CCNB3: variants seen among roughly 807,000 people sequenced by gnomAD.
CCNB3 encodes the protein G2/mitotic-specific cyclin-B3.
Under a neutral mutation model 68.0 loss-of-function variants are expected in CCNB3, and 12 were observed. The ratio of observed to expected loss-of-function variants is 0.18; its 90% CI spans 0.11 to 0.29. CCNB3 has a LOEUF of 0.29. CCNB3 is among the 10% of genes least tolerant of loss of function. The pLI, the probability that CCNB3 is intolerant of heterozygous loss-of-function variation, is 1.00. For missense variants in CCNB3, 904 were observed against 993.1 expected (o/e 0.91, Z 1.21); for synonymous variants, 354 against 388.9 (o/e 0.91, Z 1.06).
At chrX:50,228,937 A>G (rs1936002523) in intron 1 of CCNB3, among the ~76,000 whole-genome samples, 1 of 55,694 alleles carries the variant, frequency 1.8e-5, no homozygotes, top group East Asian at 5.0e-4. Flanking sequence ...ATATAAATAT[A>G]TGTAGAATAT....
chrX:50,305,693 G>T (rs1418061567), intron 5 of CCNB3, among the ~76,000 whole-genome samples: 1 of 108,792 alleles, frequency 9.2e-6, no homozygotes. Context: ...CTACAAACAA[G>T]CTAGCTGGGA....
At chrX:50,327,021 G>C (rs1922327378) in intron 8 of CCNB3, among the ~76,000 whole-genome samples, 2 of 111,915 alleles carry the variant, frequency 1.8e-5, no homozygotes, top group African/African-American at 6.5e-5. Context: ...CTCTAGACAG[G>C]GAAAGCAGTT....
intron 5 of CCNB3, among the ~76,000 whole-genome samples, chrX:50,308,181 T>C (rs1253147715): frequency 1.8e-5 from 2 of 112,424 alleles, no homozygotes; most frequent in African/African-American, 6.5e-5. Flanking sequence ...AGGAGACTGA[T>C]GTATGAACAA....
chrX:50,319,991 G>T (rs1055102780), intron 8 of CCNB3, among the ~76,000 whole-genome samples: 1 of 110,538 alleles, frequency 9.0e-6, no homozygotes, highest in African/African-American at 3.3e-5. Context: ...TTCTTTTTAG[G>T]TATTGCTGGA....
chrX:50,342,490 G>C, intron 9 of CCNB3, 151 bp downstream of exon 9: 1 of 493,641 alleles, frequency 2.0e-6, no homozygotes, highest in Non-Finnish European at 3.1e-6. Flanking sequence ...TCCCATAAGA[G>C]TATAATGGAG....
intron 7 of CCNB3, among the ~76,000 whole-genome samples, chrX:50,313,148 A>G (rs1289905211): frequency 3.6e-5 from 4 of 110,742 alleles, no homozygotes; most frequent in Admixed American, 9.7e-5. Flanking sequence ...CTCCTTTACC[A>G]CTAATATTCA....
intron 1 of CCNB3, among the ~76,000 whole-genome samples, chrX:50,212,113 C>T (rs1190632842): frequency 0.019 from 2,116 of 112,012 alleles, 34 homozygotes; most frequent in Middle Eastern, 0.046. Context: ...ATTTATAATT[C>T]ACACATCACA....
rs781894879 is a variant in CCNB3 at position 50,310,382 on chromosome X, A to C, written c.2213A>C (p.Glu738Ala). Reference sequence around the variant, plus strand: ...GCTCTGAAGGAGGAGCTTTCTGCTGAGGCAGCCACAAACATACAGACACAA... The same window carrying C: ...GCTCTGAAGGAGGAGCTTTCTGCTGCGGCAGCCACAAACATACAGACACAA... ...LLALKEELSA[E>A]AATNIQTQLS... The change falls in exon 6 of 13, where the codon GAG (glutamate) becomes GCG (alanine). Residue 738 changes from glutamate (E) to alanine (A), a missense_variant. Physicochemically the swap from Glu to Ala is moderately radical, Grantham distance 107 (BLOSUM62 -1). Transcript: ENST00000376042. The C allele has an allele frequency of 8.3e-7, 1 of 1,211,462 alleles. No homozygotes were observed. The highest frequency in any genetic ancestry group is 3.0e-5 in the East Asian group (1 of 33,822).
chrX:50,324,033 G>C (rs1177880058), intron 8 of CCNB3, among the ~76,000 whole-genome samples: 1 of 111,946 alleles, frequency 8.9e-6, no homozygotes, highest in Non-Finnish European at 1.9e-5. Context: ...TTTTGTGTTT[G>C]TTTGTTTTGT....
At chrX:50,305,511 C>T (rs1187338465) in intron 5 of CCNB3, among the ~76,000 whole-genome samples, 2 of 109,723 alleles carry the variant, frequency 1.8e-5, no homozygotes, top group African/African-American at 3.3e-5. Context: ...GTTGTGGGGT[C>T]GGGGAAGAGG....
At chrX:50,212,662 A>G (rs1602179033) in intron 1 of CCNB3, among the ~76,000 whole-genome samples, 1 of 110,468 alleles carries the variant, frequency 9.1e-6, no homozygotes, top group African/African-American at 3.3e-5. Flanking sequence ...TTTATCTATC[A>G]CACCCCAGCC....
Position 50,280,258 on chromosome X carries a change from A to G in CCNB3, c.-112-4284A>G, listed in dbSNP as rs893488501. Among the ~76,000 whole-genome samples the G allele has an allele frequency of 1.2e-4, 12 of 98,656 alleles. No individual in the cohort carries two copies. The South Asian group carries it at 1.7e-3, about 14-fold the overall frequency. The allele number at this position is 98,656 out of a possible 115,157, so 85.7% of individuals were successfully genotyped here. Reference sequence around the variant, plus strand: ...GTATAGAATATAGATATAAATATCTATATAGAATATAGATATAAATATATG... The same window carrying G: ...GTATAGAATATAGATATAAATATCTGTATAGAATATAGATATAAATATATG... On this transcript the variant is annotated intron_variant, in intron 1 of 12. Transcript: ENST00000376042.
intron 1 of CCNB3, among the ~76,000 whole-genome samples, chrX:50,215,037 TG>T (rs2146979995): frequency 1.8e-5 from 2 of 110,877 alleles, no homozygotes; most frequent in South Asian, 7.6e-4. Context: ...TCGCCCGGGC[TG>T]GAGGGAAGTG....
At chrX:50,336,879 T>C (rs1401672889) in intron 8 of CCNB3, among the ~76,000 whole-genome samples, 1 of 111,409 alleles carries the variant, frequency 9.0e-6, no homozygotes, top group Non-Finnish European at 1.9e-5. Flanking sequence ...ACCCTTCACC[T>C]TTCATCTGTA....
Position 50,310,488 on chromosome X carries a change from T to C in CCNB3, c.2319T>C (p.Asn773=). The C allele has an allele frequency of 8.3e-7, 1 of 1,209,660 alleles. No homozygotes were observed. The highest frequency in any genetic ancestry group is 1.1e-6 in the Non-Finnish European group (1 of 894,413). ...AGTTGGCTTTGAATGAGACCATCAA[T>C]GAAGAGGAGTTCCTTAATAAGCAGC... ...KKQLALNETI[N]EEEFLNKQPL... is the part of the protein sequence containing the mutation. The change falls in exon 6 of 13, where the codon AAT becomes AAC. Residue 773 remains asparagine, a synonymous_variant. Coordinates refer to ENST00000376042, the MANE Select transcript of CCNB3 (RefSeq NM_033031.3).
At chrX:50,217,009 A>G (rs966181854) in intron 1 of CCNB3, among the ~76,000 whole-genome samples, 1 of 111,273 alleles carries the variant, frequency 9.0e-6, no homozygotes, top group Admixed American at 9.6e-5. Context: ...TACATTGAGA[A>G]CCACATCAGA....
chrX:50,307,613 A>G (rs1209820684), intron 5 of CCNB3, among the ~76,000 whole-genome samples: 1 of 109,126 alleles, frequency 9.2e-6, no homozygotes, highest in Non-Finnish European at 1.9e-5. Context: ...TAATTTTAGA[A>G]CTTTTTCAAT....
chrX:50,351,334 G>C lies in CCNB3; in HGVS notation c.4054G>C (p.Asp1352His). 8.3e-7 allele frequency: 1 copy of C among 1,211,048 alleles called. No homozygotes were observed. The highest frequency in any genetic ancestry group is 1.1e-6 in the Non-Finnish European group (1 of 895,048). The stretch of plus-strand genomic sequence containing the variant: ...CAAACTGCTGACTTTCAGTTCTTAC[G>C]ATAGTCTCAAGGCTGTGTATTACAA... ...LNKLLTFSSY[D>H]SLKAVYYKYS... is the part of the protein sequence containing the mutation. The change falls in exon 12 of 13, where the codon GAT (aspartate) becomes CAT (histidine). Residue 1352 changes from aspartate to histidine, a missense_variant. Around this residue, in one of 2 missense-constraint regions of CCNB3, gnomAD observed 285 missense variants for 383.4 expected, o/e 0.74. Transcript: ENST00000376042.
chrX:50,280,645 G>T (rs1245501711), intron 1 of CCNB3, among the ~76,000 whole-genome samples: 1 of 110,649 alleles, frequency 9.0e-6, no homozygotes, highest in Admixed American at 9.8e-5. Flanking sequence ...GCAGGAATTA[G>T]TGCTTGACTC....
Sources: allele counts gnomAD v4.1 joint callset (sites outside exome capture counted in the v4.1 genomes callset), GRCh38; gene constraint gnomAD v4.1.1; regional missense constraint gnomAD v4.1.1; transcripts MANE v1.5; gene names NCBI Gene and HGNC (gene_info 2026-07-23, HGNC 2026-07-21).